PBX3: variants seen among roughly 807,000 people sequenced by gnomAD.
PBX3 encodes pre-B-cell leukemia transcription factor 3.
In PBX3, 14 loss-of-function variants were observed where a neutral mutation model predicts 48.5. The observed-to-expected ratio is 0.29, with a 90% CI of 0.19 to 0.45. The LOEUF (loss-of-function observed/expected upper bound fraction) is 0.45. Ranked by LOEUF, PBX3 falls within the 20% of genes least tolerant of loss-of-function variation. The pLI, the probability that PBX3 is intolerant of heterozygous loss-of-function variation, is 1.00. For missense variants in PBX3, 386 were observed against 546.7 expected (o/e 0.71, Z 2.93); for synonymous variants, 210 against 200.3 (o/e 1.05, Z -0.41).
chr9:125,859,927 G>A (rs977510739), intron 2 of PBX3, among the ~76,000 whole-genome samples: 4 of 152,204 alleles, frequency 2.6e-5, no homozygotes, highest in Non-Finnish European at 5.9e-5. Context: ...TCAAATGGAA[G>A]TAGCTATGTA....
chr9:125,941,796 T>C (rs1841963842), intron 5 of PBX3, among the ~76,000 whole-genome samples: 1 of 152,226 alleles, frequency 6.6e-6, no homozygotes. Flanking sequence ...AGATATTAAT[T>C]TACTTTTTGG....
Position 125,966,668 on chromosome 9 carries a change from A to G in PBX3, c.*745A>G, listed in dbSNP as rs1390201857. On this transcript the variant is annotated 3_prime_UTR_variant, in exon 9 of 9. Coordinates refer to ENST00000373489, the MANE Select transcript of PBX3 (RefSeq NM_006195.6). ...CTGCACAGACTTGTCAAGGTTTGCTACGTCCTCTGGGCATCTGCAAAAGGC... is the reference window on the plus strand; with the variant it reads ...CTGCACAGACTTGTCAAGGTTTGCTGCGTCCTCTGGGCATCTGCAAAAGGC... 1 of 152,706 alleles carries G rather than the reference A, an allele frequency of 6.5e-6. No homozygotes were observed. Among genetic ancestry groups the G allele is most frequent in the African/African-American group, 2.4e-5 (1 of 41,466 alleles). The allele number at this position is 152,706 out of a possible 1,614,324, so 9.5% of individuals were successfully genotyped here.
chr9:125,869,502 G>GA, intron 2 of PBX3, among the ~76,000 whole-genome samples: 1 of 152,064 alleles, frequency 6.6e-6, no homozygotes, highest in South Asian at 2.1e-4. Flanking sequence ...AAAGATTAAA[G>GA]AAAAAACATT....
At chr9:125,839,918 A>G (rs1839241770) in intron 2 of PBX3, among the ~76,000 whole-genome samples, 2 of 152,170 alleles carry the variant, frequency 1.3e-5, no homozygotes, top group Admixed American at 6.5e-5. Flanking sequence ...TTAAATTCTT[A>G]GTATAAAGCA....
At chr9:125,806,584 G>T (rs1425430031) in intron 2 of PBX3, among the ~76,000 whole-genome samples, 1 of 152,160 alleles carries the variant, frequency 6.6e-6, no homozygotes, top group Non-Finnish European at 1.5e-5. Flanking sequence ...TGATGGCAGA[G>T]CCTGTGTGGC....
intron 2 of PBX3, among the ~76,000 whole-genome samples, chr9:125,890,360 T>C (rs12237488): frequency 0.06 from 9,062 of 152,270 alleles, 631 homozygotes; most frequent in East Asian, 0.17. Flanking sequence ...AACTTAATGG[T>C]TGTGTTTTTC....
intron 2 of PBX3, among the ~76,000 whole-genome samples, chr9:125,793,366 A>AATATAT (rs1554855765): frequency 0.046 from 4,668 of 101,800 alleles, 162 homozygotes; most frequent in Middle Eastern, 0.06. Context: ...GGAAAAAAAA[A>AATATAT]ATATATATAT....
intron 2 of PBX3, among the ~76,000 whole-genome samples, chr9:125,772,214 G>C (rs901932694): frequency 1.3e-5 from 2 of 151,946 alleles, no homozygotes; most frequent in Non-Finnish European, 2.9e-5. Context: ...GGAATAATAA[G>C]GTGATTTTCA....
intron 5 of PBX3, among the ~76,000 whole-genome samples, chr9:125,953,123 C>T (rs1842227219): frequency 1.3e-5 from 2 of 152,088 alleles, no homozygotes; most frequent in South Asian, 4.2e-4. Context: ...AATAAATGAT[C>T]ATATTCCATT....
At chr9:125,836,951 C>T (rs1839155296) in intron 2 of PBX3, among the ~76,000 whole-genome samples, 1 of 152,140 alleles carries the variant, frequency 6.6e-6, no homozygotes, top group Non-Finnish European at 1.5e-5. Context: ...TTGGTACAAC[C>T]TTTCTTTGAG....
intron 2 of PBX3, among the ~76,000 whole-genome samples, chr9:125,793,884 G>A (rs919548923): frequency 6.6e-6 from 1 of 152,058 alleles, no homozygotes; most frequent in Non-Finnish European, 1.5e-5. Context: ...ATTATTGTAG[G>A]GAATTTAGTG....
At chr9:125,834,155 G>T (rs1377889041) in intron 2 of PBX3, among the ~76,000 whole-genome samples, 2 of 152,134 alleles carry the variant, frequency 1.3e-5, no homozygotes, top group Admixed American at 6.5e-5. Flanking sequence ...TCAATAAATA[G>T]AATAATTTCG....
At chr9:125,763,222 A>C (rs752828753) in intron 2 of PBX3, among the ~76,000 whole-genome samples, 20 of 152,214 alleles carry the variant, frequency 1.3e-4, no homozygotes, top group Non-Finnish European at 2.9e-4. Context: ...AAAAATTGTC[A>C]CAGGATTACA....
At chr9:125,932,863 G>A (rs1367061871) in intron 4 of PBX3, among the ~76,000 whole-genome samples, 1 of 152,188 alleles carries the variant, frequency 6.6e-6, no homozygotes, top group African/African-American at 2.4e-5. Flanking sequence ...GGGCCAGAAT[G>A]AGAGAGTGGC....
At chr9:125,775,160 C>A (rs1213475169) in intron 2 of PBX3, among the ~76,000 whole-genome samples, 2 of 152,354 alleles carry the variant, frequency 1.3e-5, no homozygotes, top group Non-Finnish European at 2.9e-5. Flanking sequence ...AGCCACTGTG[C>A]CTGGCCCACA....
chr9:125,766,164 C>T (rs572095486), intron 2 of PBX3, among the ~76,000 whole-genome samples: 2 of 152,064 alleles, frequency 1.3e-5, no homozygotes, highest in African/African-American at 4.8e-5. Context: ...TAAATAAATG[C>T]ATGCCTTCTC....
chr9:125,828,741 T>C (rs1327828187), intron 2 of PBX3, among the ~76,000 whole-genome samples: 1 of 152,246 alleles, frequency 6.6e-6, no homozygotes, highest in East Asian at 1.9e-4. Flanking sequence ...ATGTTTAGAA[T>C]GTTCAGTTTA....
intron 2 of PBX3, among the ~76,000 whole-genome samples, chr9:125,870,026 C>CTTT (rs568310288): frequency 7.2e-6 from 1 of 137,966 alleles, no homozygotes; most frequent in African/African-American, 2.6e-5. Flanking sequence ...AAAGGCACAT[C>CTTT]TTTTTTTTTT....
chr9:125,933,320 T>C (rs921691668), intron 4 of PBX3, among the ~76,000 whole-genome samples: 1 of 152,098 alleles, frequency 6.6e-6, no homozygotes, highest in Non-Finnish European at 1.5e-5. Flanking sequence ...TAAGAATAAA[T>C]TTGTGTAGGT....
Sources: gnomAD v4.1 joint callset for allele counts (sites outside exome capture counted in the v4.1 genomes callset) on GRCh38, gnomAD v4.1.1 for gene constraint, MANE v1.5 for transcripts, NCBI Gene and HGNC (gene_info 2026-07-23, HGNC 2026-07-21) for gene names.